RTL9: variants seen among roughly 807,000 people sequenced by gnomAD.
RTL9 encodes the protein retrotransposon Gag like 9.
RTL9 carries 19 observed loss-of-function variants against 44.7 expected under a neutral mutation model. The observed-to-expected ratio is 0.42, with a 90% CI of 0.30 to 0.62. The LOEUF is 0.62. RTL9 is among the 20% of genes least tolerant of loss of function. RTL9 has a pLI of 0.16. For missense variants in RTL9, 1,105 were observed against 1,080.6 expected, an observed-to-expected ratio of 1.02 and a Z score of -0.32; for synonymous variants, 407 against 398.9, an observed-to-expected ratio of 1.02 and a Z score of -0.24.
intron 1 of RTL9, among the ~76,000 whole-genome samples, chrX:110,400,056 C>T (rs1274697480): frequency 2.7e-5 from 3 of 110,328 alleles, no homozygotes; most frequent in African/African-American, 9.9e-5. Context: ...TGGCTGTGCT[C>T]TGTGTGCTTA....
chrX:110,407,437 T>C (rs1025487717), intron 1 of RTL9, among the ~76,000 whole-genome samples: 2 of 112,174 alleles, frequency 1.8e-5, no homozygotes, highest in Non-Finnish European at 3.8e-5. Context: ...AAGCCACTTT[T>C]CAGCACATAC....
intron 1 of RTL9, among the ~76,000 whole-genome samples, chrX:110,406,634 G>T (rs746576856): frequency 4.5e-5 from 5 of 111,888 alleles, no homozygotes; most frequent in African/African-American, 1.6e-4. Context: ...TAATGGGATC[G>T]CTGGGTCAAA....
At chrX:110,379,060 TA>T in intron 1 of RTL9, among the ~76,000 whole-genome samples, 1 of 112,176 alleles carries the variant, frequency 8.9e-6, no homozygotes, top group South Asian at 3.8e-4. Flanking sequence ...ACTACTCAAA[TA>T]AAGTTTGGAG....
intron 1 of RTL9, among the ~76,000 whole-genome samples, chrX:110,400,731 T>A (rs775780158): frequency 2.7e-5 from 3 of 112,122 alleles, no homozygotes; most frequent in Admixed American, 9.5e-5. Flanking sequence ...TGAATTTATC[T>A]CTATTATAAT....
rs374543322 is a variant in RTL9 at position 110,389,200 on chromosome X, G to A, written c.-168+30284G>A. Among the ~76,000 whole-genome samples the A allele has an allele frequency of 3.6e-4, 41 of 112,620 alleles. No individual in the cohort carries two copies. In the South Asian group the frequency reaches 0.015, roughly 41 times the overall value. On this transcript the variant is annotated intron_variant, in intron 1 of 2. Transcript: ENST00000520821. ...AATGAATGCACTGCAAATCTCCAAGGAAATATAGAATATGCAGTATTTATT... is the reference window on the plus strand; with the variant it reads ...AATGAATGCACTGCAAATCTCCAAGAAAATATAGAATATGCAGTATTTATT...
upstream of RTL9, among the ~76,000 whole-genome samples, chrX:110,446,920 T>C (rs777976823): frequency 4.5e-5 from 5 of 110,977 alleles, no homozygotes; most frequent in African/African-American, 1.6e-4. Flanking sequence ...GTTCCTCTGT[T>C]CTCATCTGGA....
At chrX:110,402,235 C>T (rs1309061600) in intron 1 of RTL9, among the ~76,000 whole-genome samples, 1 of 113,125 alleles carries the variant, frequency 8.8e-6, no homozygotes, top group Non-Finnish European at 1.9e-5. Flanking sequence ...AGCCCTACAT[C>T]ATAATCTGAT....
chrX:110,407,497 C>T (rs2068611239), intron 1 of RTL9, among the ~76,000 whole-genome samples: 1 of 112,644 alleles, frequency 8.9e-6, no homozygotes, highest in Non-Finnish European at 1.9e-5. Context: ...TAGCAGATTA[C>T]TATGTGGCAG....
At chrX:110,418,729 G>A (rs1331794063), upstream of RTL9, among the ~76,000 whole-genome samples, 1 of 111,573 alleles carries the variant, frequency 9.0e-6, no homozygotes, top group Non-Finnish European at 1.9e-5. Flanking sequence ...AAACGGAGCC[G>A]AATACCTGAT....
intron 1 of RTL9, among the ~76,000 whole-genome samples, chrX:110,378,463 T>C (rs1483913627): frequency 9.0e-6 from 1 of 111,704 alleles, no homozygotes; most frequent in Non-Finnish European, 1.9e-5. Context: ...TGGCAAAAGA[T>C]CCTTGAAGTT....
intron 1 of RTL9, among the ~76,000 whole-genome samples, chrX:110,386,582 A>G (rs747961457): frequency 1.3e-4 from 14 of 111,657 alleles, no homozygotes; most frequent in Non-Finnish European, 2.3e-4. Flanking sequence ...TCTGCATGCA[A>G]ATCTCTTGTC....
chrX:110,382,627 G>A (rs1205553479), intron 1 of RTL9, among the ~76,000 whole-genome samples: 1 of 111,788 alleles, frequency 8.9e-6, no homozygotes, highest in East Asian at 2.8e-4. Context: ...TTGTAAACAA[G>A]CCTCCCACTG....
chrX:110,392,840 A>G (rs768266812), intron 1 of RTL9, among the ~76,000 whole-genome samples: 2 of 112,379 alleles, frequency 1.8e-5, no homozygotes, highest in South Asian at 7.5e-4. Context: ...GAAACTAAAA[A>G]GGCAGGGAAG....
At chrX:110,451,191 A>T in exon 1 of RTL9, 1 of 1,211,714 alleles carries the variant, frequency 8.3e-7, no homozygotes, top group South Asian at 1.8e-5. Context: ...GGCAATGTCC[A>T]CACCATTAAT....
chrX:110,438,967 C>T (rs1416605749), intron 1 of RTL9, among the ~76,000 whole-genome samples: 4 of 111,944 alleles, frequency 3.6e-5, no homozygotes, highest in Non-Finnish European at 7.5e-5. Flanking sequence ...TAGTATGGGT[C>T]GTGGCAGGTT....
intron 1 of RTL9, among the ~76,000 whole-genome samples, chrX:110,442,249 G>C (rs5942632): frequency 0.37 from 26,462 of 72,196 alleles, 4,925 homozygotes; most frequent in African/African-American, 0.55. Flanking sequence ...CTCTCTCTCT[G>C]TGTGTGTGTG....
intron 1 of RTL9, among the ~76,000 whole-genome samples, chrX:110,364,730 C>T (rs1267445324): frequency 9.0e-6 from 1 of 111,462 alleles, no homozygotes; most frequent in Non-Finnish European, 1.9e-5. Flanking sequence ...CATCCCACAG[C>T]CTGCCAGCCA....
At chrX:110,426,339 C>A (rs1000897644) in intron 1 of RTL9, among the ~76,000 whole-genome samples, 1 of 111,642 alleles carries the variant, frequency 9.0e-6, no homozygotes, top group Non-Finnish European at 1.9e-5. Context: ...TTATCTGTAC[C>A]CTAATGGACA....
At chrX:110,439,164 C>T (rs1049407778) in intron 1 of RTL9, among the ~76,000 whole-genome samples, 2 of 111,915 alleles carry the variant, frequency 1.8e-5, no homozygotes. Context: ...GCTGATTCTC[C>T]CTTTGTGAGC....
Sources: gnomAD v4.1 joint callset for allele counts (sites outside exome capture counted in the v4.1 genomes callset) on GRCh38, gnomAD v4.1.1 for gene constraint, MANE v1.5 for transcripts, NCBI Gene and HGNC (gene_info 2026-07-23, HGNC 2026-07-21) for gene names.